Variants in PTPA observed in about 807,000 individuals in gnomAD.
PTPA encodes the protein protein phosphatase 2 phosphatase activator.
A neutral mutation model predicts 43.6 loss-of-function variants in PTPA; 13 were observed. The ratio of observed to expected loss-of-function variants is 0.30; its 90% CI spans 0.19 to 0.47. The LOEUF is 0.47. Ranked by LOEUF, PTPA falls within the 20% of genes least tolerant of loss-of-function variation. The pLI, the probability that PTPA is intolerant of heterozygous loss-of-function variation, is 0.99. For synonymous variants in PTPA, 172 were observed against 158.2 expected, an observed-to-expected ratio of 1.09 and a Z score of -0.66; for missense variants, 329 against 411.9, an observed-to-expected ratio of 0.80 and a Z score of 1.74.
Position 129,143,381 on chromosome 9 carries a change from C to T in PTPA, c.894+829C>T, listed in dbSNP as rs1476041427. The T allele has an allele frequency of 5.7e-6, 4 of 702,966 alleles. No individual in the cohort carries two copies. The East Asian group carries it at 8.0e-5, about 14-fold the overall frequency. 43.5% of individuals were successfully genotyped at this position (702,966 alleles called of 1,614,324 possible). A position where few individuals can be genotyped will look rare whatever the true frequency, so the allele number is the denominator to read the frequency against. On this transcript the variant is annotated intron_variant, in intron 9 of 9. Coordinates refer to ENST00000393370, the MANE Select transcript of PTPA (RefSeq NM_178000.3). ...CCCTTCTTTCTGTTCTCAGGCTGGC[C>T]CTTGTGACTAGTTCATGGCCTCAGA...
chr9:129,129,417 C>T (rs1849800966), intron 4 of PTPA, among the ~76,000 whole-genome samples: 1 of 151,752 alleles, frequency 6.6e-6, no homozygotes, highest in African/African-American at 2.4e-5. Flanking sequence ...ATTAGTCCAT[C>T]AATATCATGG....
intron 1 of PTPA, among the ~76,000 whole-genome samples, chr9:129,117,976 G>A (rs915077175): frequency 6.6e-6 from 1 of 152,026 alleles, no homozygotes; most frequent in Non-Finnish European, 1.5e-5. Context: ...TGGGATTACA[G>A]GTGTGAGTCA....
intron 2 of PTPA, among the ~76,000 whole-genome samples, chr9:129,120,857 T>A (rs1056763854): frequency 3.9e-5 from 6 of 152,184 alleles, no homozygotes; most frequent in African/African-American, 7.2e-5. Flanking sequence ...CCGCTCCTGG[T>A]TCTCTTAAGC....
In PTPA at chr9:129,147,626, A is replaced by G; in HGVS notation, c.*162A>G. 1 of 749,910 alleles carries G rather than the reference A, an allele frequency of 1.3e-6. No individual in the cohort carries two copies. The highest frequency in any genetic ancestry group is 1.8e-5 in the South Asian group (1 of 56,414). 46.5% of individuals were successfully genotyped at this position (749,910 alleles called of 1,614,324 possible). ...ATGGGCTTGAGGGGGCTCAGAGCAT[A>G]AGGCTTCAGGGCCCAAGTTGGGAGA... On this transcript the variant is annotated 3_prime_UTR_variant, in exon 10 of 10. Coordinates refer to ENST00000393370, the MANE Select transcript of PTPA (RefSeq NM_178000.3).
chr9:129,137,459 G>A lies in PTPA; in HGVS notation c.686-133G>A, dbSNP rs574852205. 6.2e-5 allele frequency: 40 copies of A among 647,018 alleles called. No individual in the cohort carries two copies. The East Asian group carries it at 9.8e-4, about 16-fold the overall frequency. 40.1% of individuals were successfully genotyped at this position (647,018 alleles called of 1,614,324 possible). ...ATACACAAACCCAGAGTTACTTATTGCTCCTTCAAGGTGAGGTGTTGAGGG... is the reference window on the plus strand; with the variant it reads ...ATACACAAACCCAGAGTTACTTATTACTCCTTCAAGGTGAGGTGTTGAGGG... On this transcript the variant is annotated intron_variant, in intron 7 of 9. Coordinates refer to ENST00000393370, the MANE Select transcript of PTPA (RefSeq NM_178000.3).
At chr9:129,112,451 A>T (rs1391856989) in intron 1 of PTPA, among the ~76,000 whole-genome samples, 2 of 152,198 alleles carry the variant, frequency 1.3e-5, no homozygotes, top group Non-Finnish European at 1.5e-5. Context: ...TTTTGAAAGC[A>T]TTTGATATTC....
chr9:129,145,744 C>T (rs1851254384), intron 9 of PTPA, among the ~76,000 whole-genome samples: 1 of 152,054 alleles, frequency 6.6e-6, no homozygotes, highest in Non-Finnish European at 1.5e-5. Context: ...GAGGGTCTGT[C>T]TTTCCTCTGG....
intron 3 of PTPA, among the ~76,000 whole-genome samples, chr9:129,126,009 G>A (rs1279765091): frequency 2.0e-5 from 3 of 151,820 alleles, no homozygotes; most frequent in Non-Finnish European, 2.9e-5. Context: ...TTAGCTGGGC[G>A]TGGCGGCAGG....
intron 4 of PTPA, among the ~76,000 whole-genome samples, chr9:129,129,595 G>A (rs1409122055): frequency 6.6e-6 from 1 of 151,426 alleles, no homozygotes; most frequent in Non-Finnish European, 1.5e-5. Context: ...TCAGCCTTCC[G>A]AGTAGCTGGG....
At chr9:129,144,046 C>T (rs907840261) in intron 9 of PTPA, among the ~76,000 whole-genome samples, 3 of 151,650 alleles carry the variant, frequency 2.0e-5, no homozygotes, top group Admixed American at 1.3e-4. Flanking sequence ...GTCTTCTCTA[C>T]AAGCCTCTTA....
chr9:129,147,492 G>T lies in PTPA; in HGVS notation c.*28G>T, dbSNP rs755862627. The stretch of plus-strand genomic sequence containing the variant: ...GGGGCCAAGCCGAAGAGCCACCCAG[G>T]CCACAGTTCCTGTGCCTGCCTTCCC... On this transcript the variant is annotated 3_prime_UTR_variant, in exon 10 of 10. Coordinates refer to ENST00000393370, the MANE Select transcript of PTPA (RefSeq NM_178000.3). 10 of 1,606,418 alleles carry T rather than the reference G, an allele frequency of 6.2e-6. No homozygotes were observed. The South Asian group carries it at 1.1e-4, about 18-fold the overall frequency.
At chr9:129,122,221 G>A (rs993323444) in intron 2 of PTPA, among the ~76,000 whole-genome samples, 1 of 152,030 alleles carries the variant, frequency 6.6e-6, no homozygotes, top group Admixed American at 6.6e-5. Flanking sequence ...TCCCACCTCA[G>A]CCACCTGAGT....
chr9:129,127,025 T>C (rs1849625406), intron 3 of PTPA, among the ~76,000 whole-genome samples: 1 of 152,182 alleles, frequency 6.6e-6, no homozygotes, highest in South Asian at 2.1e-4. Flanking sequence ...CGTTTCTGCA[T>C]GGGTTAGGTC....
chr9:129,144,569 T>C (rs1851157133), intron 9 of PTPA, among the ~76,000 whole-genome samples: 1 of 150,854 alleles, frequency 6.6e-6, no homozygotes, highest in African/African-American at 2.4e-5. Flanking sequence ...AAACCCCGTC[T>C]CTACTAAAAA....
At chr9:129,130,636 G>A (rs1336314258) in intron 4 of PTPA, among the ~76,000 whole-genome samples, 1 of 152,016 alleles carries the variant, frequency 6.6e-6, no homozygotes, top group African/African-American at 2.4e-5. Context: ...CAGGTGATCC[G>A]CCCACCTTGG....
intron 3 of PTPA, chr9:129,128,156 G>C: frequency 2.4e-6 from 2 of 848,036 alleles, no homozygotes; most frequent in Non-Finnish European, 3.5e-6. Flanking sequence ...CAGCTAAATG[G>C]TGTTTTAGCT....
intron 1 of PTPA, among the ~76,000 whole-genome samples, chr9:129,114,370 A>G (rs1310666686): frequency 6.6e-6 from 1 of 152,224 alleles, no homozygotes; most frequent in Admixed American, 6.5e-5. Flanking sequence ...GGAGTCATAC[A>G]TATCTGGCTC....
At position 129,134,847 on chromosome 9, in the gene PTPA, G is replaced by C; in HGVS notation, c.513G>C (p.Val171=). The C allele has an allele frequency of 6.2e-7, 1 of 1,614,118 alleles. No homozygotes were observed. The highest frequency in any genetic ancestry group is 2.2e-5 in the East Asian group (1 of 44,884). The part of the protein sequence containing the change: ...AFLCCLCKIG[V]LRVDDQIAIV... ...TCTGCTGTCTCTGCAAGATTGGGGT[G>C]CTCCGGGTGGATGACCAAATAGCTA... Residue 171 remains valine, a synonymous_variant, in exon 6 of 10, where the codon GTG becomes GTC. Coordinates refer to ENST00000393370, the MANE Select transcript of PTPA (RefSeq NM_178000.3).
At chr9:129,127,598 A>T (rs547966706) in intron 3 of PTPA, among the ~76,000 whole-genome samples, 1 of 152,310 alleles carries the variant, frequency 6.6e-6, no homozygotes, top group South Asian at 2.1e-4. Context: ...AGCACCTTCT[A>T]ACTGATCTTT....
Sources: gnomAD v4.1 joint callset for allele counts (sites outside exome capture counted in the v4.1 genomes callset) on GRCh38, gnomAD v4.1.1 for gene constraint, MANE v1.5 for transcripts, NCBI Gene and HGNC (gene_info 2026-07-23, HGNC 2026-07-21) for gene names.